CAMK2D: variants seen among roughly 807,000 people sequenced by gnomAD.
The protein encoded by CAMK2D is calcium/calmodulin-dependent protein kinase type II subunit delta.
In CAMK2D, 37 loss-of-function variants were observed where a neutral mutation model predicts 84.0. That is an observed-to-expected ratio of 0.44 (90% CI 0.34 to 0.58). The LOEUF (loss-of-function observed/expected upper bound fraction) is 0.58, where lower values mean the gene tolerates loss of function less well. Ranked by LOEUF, CAMK2D falls within the 20% of genes least tolerant of loss-of-function variation. The pLI is 0.02. For synonymous variants in CAMK2D, 202 were observed against 212.5 expected (o/e 0.95, Z 0.43); for missense variants, 448 against 652.5 (o/e 0.69, Z 3.41).
At chr4:113,554,344 T>C (rs990842266) in intron 4 of CAMK2D, among the ~76,000 whole-genome samples, 2 of 152,132 alleles carry the variant, frequency 1.3e-5, no homozygotes, top group East Asian at 1.9e-4. Context: ...AGTTTAGCTA[T>C]ACATGGCAAT....
At chr4:113,653,153 C>A (rs2099182643) in intron 3 of CAMK2D, among the ~76,000 whole-genome samples, 1 of 151,982 alleles carries the variant, frequency 6.6e-6, no homozygotes. Context: ...GAATACATAA[C>A]TGGCACCATA....
intron 2 of CAMK2D, among the ~76,000 whole-genome samples, chr4:113,721,794 G>T (rs1335329396): frequency 6.6e-6 from 1 of 152,124 alleles, no homozygotes; most frequent in Non-Finnish European, 1.5e-5. Flanking sequence ...TCCTCTATCT[G>T]GGGGCATTTT....
At chr4:113,509,565 A>C (rs1053952188) in intron 13 of CAMK2D, 73 bp downstream of exon 13, 1 of 963,690 alleles carries the variant, frequency 1.0e-6, no homozygotes, top group African/African-American at 1.6e-5. Flanking sequence ...AGACTTAGGA[A>C]TTATATATAA....
chr4:113,680,166 A>G (rs996349276), intron 2 of CAMK2D, among the ~76,000 whole-genome samples: 8 of 152,124 alleles, frequency 5.3e-5, no homozygotes, highest in African/African-American at 1.9e-4. Context: ...CATTGTTCAG[A>G]TTCTATGGAA....
chr4:113,715,703 G>C (rs1331047044), intron 2 of CAMK2D, among the ~76,000 whole-genome samples: 1 of 152,084 alleles, frequency 6.6e-6, no homozygotes, highest in African/African-American at 2.4e-5. Flanking sequence ...TTTTGACTCT[G>C]AGATATCCTA....
intron 3 of CAMK2D, among the ~76,000 whole-genome samples, chr4:113,618,538 T>G (rs2099031255): frequency 6.6e-6 from 1 of 152,174 alleles, no homozygotes; most frequent in African/African-American, 2.4e-5. Context: ...ATATGTCCTA[T>G]AAGCAGGAAA....
chr4:113,688,910 C>CAAAAAAAAAAAAAAAAAAAAAAA (rs34196728), intron 2 of CAMK2D, among the ~76,000 whole-genome samples: 1 of 49,720 alleles, frequency 2.0e-5, no homozygotes, highest in Non-Finnish European at 3.7e-5. Context: ...AAAGAAGATG[C>CAAAAAAAAAAAAAAAAAAAAAAA]AAAAAAAAAA....
At chr4:113,563,400 G>A (rs2098707762) in intron 4 of CAMK2D, among the ~76,000 whole-genome samples, 2 of 152,030 alleles carry the variant, frequency 1.3e-5, no homozygotes, top group South Asian at 2.1e-4. Context: ...TAATGTGTGG[G>A]TTTTCTTTCA....
intron 2 of CAMK2D, among the ~76,000 whole-genome samples, chr4:113,719,355 T>C (rs2099523277): frequency 4.6e-5 from 7 of 152,182 alleles, no homozygotes; most frequent in Admixed American, 4.6e-4. Flanking sequence ...TAACCTGAAG[T>C]AACCTGATAT....
At chr4:113,501,214 CTCTT>C (rs774183368) in intron 15 of CAMK2D, among the ~76,000 whole-genome samples, 1 of 152,150 alleles carries the variant, frequency 6.6e-6, no homozygotes, top group Admixed American at 6.6e-5. Context: ...AAAGACAAAG[CTCTT>C]TCTTTGTAAA....
At chr4:113,710,155 C>T (rs1452300081) in intron 2 of CAMK2D, among the ~76,000 whole-genome samples, 2 of 151,926 alleles carry the variant, frequency 1.3e-5, no homozygotes, top group Non-Finnish European at 2.9e-5. Flanking sequence ...TGAATAAATT[C>T]CTGTCAAAAG....
At chr4:113,666,371 T>C (rs549903138) in intron 2 of CAMK2D, among the ~76,000 whole-genome samples, 2 of 152,314 alleles carry the variant, frequency 1.3e-5, no homozygotes, top group African/African-American at 4.8e-5. Context: ...AAGAATTTCA[T>C]CTTTCTTGAC....
At chr4:113,625,486 C>T (rs1000273077) in intron 3 of CAMK2D, among the ~76,000 whole-genome samples, 2 of 151,954 alleles carry the variant, frequency 1.3e-5, no homozygotes, top group African/African-American at 2.4e-5. Context: ...TAAGGAGAGA[C>T]CAGAAGGAAA....
chr4:113,524,718 T>A (rs1021936590), intron 8 of CAMK2D, among the ~76,000 whole-genome samples: 8 of 152,144 alleles, frequency 5.3e-5, no homozygotes, highest in African/African-American at 1.9e-4. Context: ...CTGAGGTAGA[T>A]CTCAGGAGGG....
intron 4 of CAMK2D, among the ~76,000 whole-genome samples, chr4:113,557,575 C>T (rs2098673446): frequency 6.6e-6 from 1 of 152,168 alleles, no homozygotes; most frequent in Non-Finnish European, 1.5e-5. Flanking sequence ...TCATTTATAG[C>T]ATCCTTTCTA....
chr4:113,496,657 C>A (rs1171875897), intron 16 of CAMK2D, among the ~76,000 whole-genome samples: 1 of 151,946 alleles, frequency 6.6e-6, no homozygotes, highest in Non-Finnish European at 1.5e-5. Flanking sequence ...CCATGTCGGT[C>A]AGGCTAGTCT....
chr4:113,625,547 G>C (rs971574520), intron 3 of CAMK2D, among the ~76,000 whole-genome samples: 1 of 152,096 alleles, frequency 6.6e-6, no homozygotes, highest in African/African-American at 2.4e-5. Context: ...ATGGAAGATA[G>C]ACAAAAGCAA....
At chr4:113,612,607 T>C (rs2099005049) in intron 3 of CAMK2D, among the ~76,000 whole-genome samples, 1 of 152,160 alleles carries the variant, frequency 6.6e-6, no homozygotes. Context: ...CAGTTGTCCC[T>C]ATGACGTTTT....
intron 4 of CAMK2D, among the ~76,000 whole-genome samples, chr4:113,587,376 C>T (rs149828612): frequency 3.9e-5 from 6 of 152,132 alleles, no homozygotes; most frequent in Admixed American, 6.5e-5. Flanking sequence ...CAGTAACATG[C>T]GCCTGAGGCA....
Sources: allele counts gnomAD v4.1 joint callset (sites outside exome capture counted in the v4.1 genomes callset), GRCh38; gene constraint gnomAD v4.1.1; transcripts MANE v1.5; gene names NCBI Gene and HGNC (gene_info 2026-07-23, HGNC 2026-07-21).